The following EXOSC8 variants were observed in gnomAD, a reference collection of about 807,000 sequenced individuals.
The protein encoded by EXOSC8 is exosome component 8, also known as exosome complex component RRP43.
In EXOSC8, 37 loss-of-function variants were observed where a neutral mutation model predicts 39.9. The ratio of observed to expected loss-of-function variants is 0.93; its 90% confidence interval spans 0.71 to 1.22. The LOEUF (loss-of-function observed/expected upper bound fraction) is 1.22. Among genes scored for constraint, EXOSC8 ranks in the 50% most tolerant of loss-of-function variants. EXOSC8 has a pLI of 0.00. For missense variants in EXOSC8, 313 were observed against 326.6 expected (o/e 0.96, Z 0.32); for synonymous variants, 93 against 109.5 (o/e 0.85, Z 0.94).
chr13:37,007,043 A>G lies in EXOSC8; in HGVS notation c.459A>G (p.Thr153=), dbSNP rs202038750. The G allele has an allele frequency of 1.2e-4, 200 of 1,613,174 alleles. 1 individual carries two copies. In the East Asian group the frequency reaches 3.5e-3, roughly 28 times the overall value. ...ATGGAAACATTTTGGATGCCTGCAC[A>G]TTTGCTTTGCTAGCGGCTTTAAAAA... ...DYDGNILDAC[T]FALLAALKNV... The change falls in exon 8 of 11, where the codon ACA becomes ACG. Residue 153 remains threonine (T), a synonymous_variant. Coordinates refer to ENST00000389704, the MANE Select transcript of EXOSC8 (RefSeq NM_181503.3).
rs774362647 is a variant in EXOSC8, at chr13:37,006,003, TTCATTGCAGATG to T, written c.329_340del (p.Ala110_Ile113del). 1.2e-6 allele frequency: 2 copies of T among 1,608,282 alleles called. No homozygotes were observed. The highest frequency in any genetic ancestry group is 3.3e-5 in the Admixed American group (2 of 59,960). ...AGAAGAGGCCCAAGTGGCTAGCCAG[TTCATTGCAGATG>T]TCATTGAAAAGTAAGAGCACCATGA... On this transcript the variant is annotated inframe_deletion, in exon 6 of 11. Coordinates refer to ENST00000389704, the MANE Select transcript of EXOSC8 (RefSeq NM_181503.3).
Position 37,006,026 on chromosome 13 carries a change from G to A in EXOSC8, c.344+1G>A. ...AGTTCATTGCAGATGTCATTGAAAA[G>A]TAAGAGCACCATGATAAAATTTTAT... is the stretch of plus-strand genomic sequence containing the variant. On this transcript the variant is annotated splice_donor_variant, in intron 6 of 10. Transcript: ENST00000389704. LOFTEE classifies it high-confidence loss of function. 4.4e-6 allele frequency: 7 copies of A among 1,598,044 alleles called. No individual in the cohort carries two copies. The highest frequency in any genetic ancestry group is 6.0e-6 in the Non-Finnish European group (7 of 1,166,002).
chr13:37,004,631 TAGTTA>T (rs2059126720), intron 5 of EXOSC8, 70 bp downstream of exon 5: 4 of 953,526 alleles, frequency 4.2e-6, no homozygotes, highest in East Asian at 2.6e-5. Context: ...AGTTAAGTCC[TAGTTA>T]AGTTGATGTA....
Position 37,009,489 on chromosome 13 carries a change from C to A in EXOSC8, c.*190C>A. ...AAAGCAATGACTTAGGCAAACCAAC[C>A]CTAGTTTGTTAAACCATTTCCCTGT... On this transcript the variant is annotated 3_prime_UTR_variant, in exon 11 of 11. Coordinates refer to ENST00000389704, the MANE Select transcript of EXOSC8 (RefSeq NM_181503.3). 2 of 855,958 alleles carry A rather than the reference C, an allele frequency of 2.3e-6. No homozygotes were observed. Among genetic ancestry groups the A allele is most frequent in the Non-Finnish European group, 3.6e-6 (2 of 551,494 alleles). The allele number at this position is 855,958 out of a possible 1,614,324, so 53.0% of individuals were successfully genotyped here. A position where few individuals can be genotyped will look rare whatever the true frequency, so the allele number is the denominator to read the frequency against.
intron 8 of EXOSC8, among the ~76,000 whole-genome samples, chr13:37,007,694 GA>G (rs1566076398): frequency 6.6e-6 from 1 of 152,140 alleles, no homozygotes; most frequent in South Asian, 2.1e-4. Flanking sequence ...ACTCTGTGCT[GA>G]AGTTTCCTTA....
At chr13:37,006,870 TCTTG>T (rs1260948211) in intron 7 of EXOSC8, 101 bp from the exon 8 acceptor site, 4 of 675,662 alleles carry the variant, frequency 5.9e-6, no homozygotes, top group African/African-American at 1.8e-5. Flanking sequence ...TTGAAAGTTA[TCTTG>T]CTTGTTTAAC....
Position 37,002,501 on chromosome 13 carries a change from G to A in EXOSC8, c.68G>A (p.Arg23His), listed in dbSNP as rs2059113249. ...ATATTTATTTAGAAAGAGAACTGCC[G>A]TCCTGATGGAAGAGAACTTGGTGAA... Reference protein sequence around the residue: ...YYRRFLKENCRPDGRELGEFR... With the variant: ...YYRRFLKENCHPDGRELGEFR... Residue 23 changes from arginine (R) to histidine (H), a missense_variant, in exon 3 of 11, where the codon CGT becomes CAT. Arg to His is a conservative substitution (Grantham distance 29). Transcript: ENST00000389704. 4 of 1,583,306 alleles carry A rather than the reference G, an allele frequency of 2.5e-6. No individual in the cohort carries two copies. Among genetic ancestry groups the A allele is most frequent in the Non-Finnish European group, 3.4e-6 (4 of 1,161,616 alleles).
intron 10 of EXOSC8, 119 bp from the exon 11 acceptor site, chr13:37,009,065 G>GAGAC: frequency 1.4e-6 from 1 of 738,536 alleles, no homozygotes; most frequent in Non-Finnish European, 2.3e-6. Context: ...TGTAGATCTT[G>GAGAC]AGACTGTACC....
chr13:37,007,017 G>C lies in EXOSC8; in HGVS notation c.433G>C (p.Asp145His). Residue 145 changes from aspartate to histidine, a missense_variant, in exon 8 of 11, where the codon GAT (aspartate) becomes CAT (histidine). Asp to His is a moderately conservative substitution (Grantham distance 81). Coordinates refer to ENST00000389704, the MANE Select transcript of EXOSC8 (RefSeq NM_181503.3). Reference sequence around the variant, plus strand: ...CTGTGATCTCATTTGCCTCGACTACGATGGAAACATTTTGGATGCCTGCAC... The same window carrying C: ...CTGTGATCTCATTTGCCTCGACTACCATGGAAACATTTTGGATGCCTGCAC... ...LYCDLICLDY[D>H]GNILDACTFA... is the part of the protein sequence containing the mutation. The C allele has an allele frequency of 2.5e-6, 4 of 1,613,608 alleles. No individual in the cohort carries two copies. The highest frequency in any genetic ancestry group is 2.5e-6 in the Non-Finnish European group (3 of 1,179,534).
rs1345489919 is a variant in EXOSC8, at chr13:37,009,086, T to C, written c.716-98T>C. The stretch of plus-strand genomic sequence containing the variant: ...TCTTGAGACTGTACCCTGATTTACA[T>C]TATCCAATTTTTTTGTTTTATAATT... On this transcript the variant is annotated intron_variant, in intron 10 of 10. Coordinates refer to ENST00000389704, the MANE Select transcript of EXOSC8 (RefSeq NM_181503.3). The C allele has an allele frequency of 7.5e-6, 6 of 803,206 alleles. No homozygotes were observed. The East Asian group carries it at 1.6e-4, about 21-fold the overall frequency. The allele number at this position is 803,206 out of a possible 1,614,324, so 49.8% of individuals were successfully genotyped here.
At chr13:37,003,358 A>C (rs1211484497) in intron 4 of EXOSC8, 2 of 195,928 alleles carry the variant, frequency 1.0e-5, no homozygotes, top group Non-Finnish European at 2.1e-5. Flanking sequence ...GTTGAAAAGA[A>C]AAATTTGAGG....
At chr13:37,003,858 ATTGC>A (rs2059121424) in intron 4 of EXOSC8, 1 of 151,396 alleles carries the variant, frequency 6.6e-6, no homozygotes, top group Admixed American at 6.6e-5. Context: ...TGGCTTAGTA[ATTGC>A]AGAGCATTTG....
At chr13:37,002,368 A>AT in intron 2 of EXOSC8, 59 bp downstream of exon 2, 1 of 1,456,628 alleles carries the variant, frequency 6.9e-7, no homozygotes, top group Non-Finnish European at 9.6e-7. Flanking sequence ...TTAAAGATGA[A>AT]TTTCAAGTAA....
In EXOSC8 at chr13:37,006,112, A is replaced by G. The variant is rs1396280683; in HGVS notation, c.345-3A>G. ...TTACTTTGCTCTTTGTCATTAAATCAAGTTCACAGATAATTCAGAAAGAGG... is the reference window on the plus strand; with the variant it reads ...TTACTTTGCTCTTTGTCATTAAATCGAGTTCACAGATAATTCAGAAAGAGG... On this transcript the variant is annotated splice_polypyrimidine_tract_variant and splice_region_variant and intron_variant, in intron 6 of 10. Coordinates refer to ENST00000389704, the MANE Select transcript of EXOSC8 (RefSeq NM_181503.3). 1 of 1,609,390 alleles carries G rather than the reference A, an allele frequency of 6.2e-7. No homozygotes were observed. Among genetic ancestry groups the G allele is most frequent in the Non-Finnish European group, 8.5e-7 (1 of 1,175,966 alleles).
In EXOSC8 at chr13:37,000,830, T is replaced by C. The variant is rs200292064; in HGVS notation, c.17+8T>C. ...GATGGCGGCTGGGTTCAAGTGAGTG[T>C]TGGCGGGTGGCGGGTAGAGTTCTGT... On this transcript the variant is annotated splice_region_variant and intron_variant, in intron 1 of 10. Coordinates refer to ENST00000389704, the MANE Select transcript of EXOSC8 (RefSeq NM_181503.3). 2.7e-5 allele frequency: 42 copies of C among 1,572,362 alleles called. No homozygotes were observed. In the African/African-American group the frequency reaches 4.6e-4, roughly 17 times the overall value.
At chr13:37,006,282 C>A in intron 7 of EXOSC8, 122 bp downstream of exon 7, 1 of 638,138 alleles carries the variant, frequency 1.6e-6, no homozygotes, top group Non-Finnish European at 2.8e-6. Context: ...GGATGTCTTA[C>A]AGATTTTAGA....
intron 8 of EXOSC8, among the ~76,000 whole-genome samples, chr13:37,007,440 G>A (rs1476409258): frequency 1.3e-5 from 2 of 152,180 alleles, no homozygotes; most frequent in Admixed American, 1.3e-4. Context: ...TTTACTGTGA[G>A]GCCATAGTAA....
chr13:37,002,117 T>G (rs774853638), intron 1 of EXOSC8, among the ~76,000 whole-genome samples, 156 bp from the exon 2 acceptor site: 3 of 152,198 alleles, frequency 2.0e-5, no homozygotes, highest in Non-Finnish European at 4.4e-5. Flanking sequence ...TTGAATGTGA[T>G]TGCTACTACA....
In EXOSC8 at chr13:37,006,103, CATTAAA is replaced by C; in HGVS notation, c.345-11_345-6del. The C allele has an allele frequency of 6.2e-7, 1 of 1,607,998 alleles. No homozygotes were observed. Among genetic ancestry groups the C allele is most frequent in the Non-Finnish European group, 8.5e-7 (1 of 1,174,962 alleles). On this transcript the variant is annotated splice_region_variant and splice_polypyrimidine_tract_variant and intron_variant, in intron 6 of 10. Transcript: ENST00000389704. ...GCTTTTCATTTACTTTGCTCTTTGT[CATTAAA>C]TCAAGTTCACAGATAATTCAGAAAG...
Sources: gnomAD v4.1 joint callset for allele counts (sites outside exome capture counted in the v4.1 genomes callset) on GRCh38, gnomAD v4.1.1 for gene constraint, MANE v1.5 for transcripts, NCBI Gene and HGNC (gene_info 2026-07-23, HGNC 2026-07-21) for gene names.